The following C12orf50 variants were observed in gnomAD, a reference collection of about 807,000 sequenced individuals.
C12orf50 encodes zinc finger CCCH-type containing 11D.
A neutral mutation model predicts 61.6 loss-of-function variants in C12orf50; 35 were observed. The observed-to-expected ratio is 0.57, with a 90% CI of 0.43 to 0.75. The LOEUF (loss-of-function observed/expected upper bound fraction) is 0.75, where lower values mean the gene tolerates loss of function less well. Among genes scored for constraint, C12orf50 ranks in the 30% least tolerant of loss-of-function variants. C12orf50 has a pLI of 0.00. For synonymous variants in C12orf50, 178 were observed against 161.5 expected, an observed-to-expected ratio of 1.10 and a Z score of -0.77; for missense variants, 475 against 488.5, an observed-to-expected ratio of 0.97 and a Z score of 0.26.
chr12:88,022,120 G>A (rs2032538756), intron 3 of C12orf50, among the ~76,000 whole-genome samples: 2 of 150,678 alleles, frequency 1.3e-5, no homozygotes, highest in South Asian at 4.2e-4. Flanking sequence ...ATCAAATTCA[G>A]CAGCACATCA....
intron 3 of C12orf50, among the ~76,000 whole-genome samples, chr12:88,008,932 C>A (rs756216495): frequency 1.3e-5 from 2 of 152,042 alleles, no homozygotes; most frequent in Non-Finnish European, 2.9e-5. Flanking sequence ...TTCTTTCTTG[C>A]CTTCTTTCAT....
At chr12:88,009,307 A>T (rs943285510) in intron 3 of C12orf50, among the ~76,000 whole-genome samples, 2 of 152,100 alleles carry the variant, frequency 1.3e-5, no homozygotes, top group African/African-American at 4.8e-5. Flanking sequence ...GTCTTCACCA[A>T]GAATTGATAG....
intron 9 of C12orf50, among the ~76,000 whole-genome samples, chr12:87,987,136 G>A (rs143250128): frequency 6.6e-5 from 10 of 152,208 alleles, no homozygotes; most frequent in Non-Finnish European, 1.0e-4. Context: ...AGTGTACAGT[G>A]TAGACTACAT....
chr12:88,006,167 C>A (rs1020747048), intron 3 of C12orf50, among the ~76,000 whole-genome samples: 1 of 152,140 alleles, frequency 6.6e-6, no homozygotes, highest in East Asian at 1.9e-4. Context: ...CCGCCCACAT[C>A]GGCCTCCCAA....
chr12:87,998,193 G>T lies in C12orf50; in HGVS notation c.134-3C>A, dbSNP rs763330319. ...AATTTCTTTCTGTAGTGTGATATCT[G>T]CAGAGAAAATGCAACATTTCAGTCT... On this transcript the variant is annotated splice_polypyrimidine_tract_variant and splice_region_variant and intron_variant, in intron 3 of 12. Coordinates refer to ENST00000298699, the MANE Select transcript of C12orf50 (RefSeq NM_152589.3). The T allele has an allele frequency of 2.6e-5, 42 of 1,608,562 alleles. No homozygotes were observed. The highest frequency in any genetic ancestry group is 3.3e-5 in the Non-Finnish European group (39 of 1,176,612).
intron 9 of C12orf50, among the ~76,000 whole-genome samples, chr12:87,987,306 A>G (rs2030874736): frequency 1.3e-5 from 2 of 152,160 alleles, no homozygotes; most frequent in African/African-American, 2.4e-5. Flanking sequence ...CATATTTTTA[A>G]CAAGTGCCAC....
At chr12:87,983,048 A>AACTT (rs1212324862) in intron 12 of C12orf50, 55 bp downstream of exon 12, 19 of 1,094,620 alleles carry the variant, frequency 1.7e-5, no homozygotes, top group Non-Finnish European at 2.5e-5. Flanking sequence ...TGCACTTGAA[A>AACTT]ACTTATTCAT....
intron 3 of C12orf50, among the ~76,000 whole-genome samples, chr12:88,014,481 T>A (rs952290343): frequency 6.6e-6 from 1 of 152,072 alleles, no homozygotes; most frequent in African/African-American, 2.4e-5. Context: ...TTTGTATTTT[T>A]AGTAGAGACG....
At chr12:88,012,246 A>G (rs574169290) in intron 3 of C12orf50, among the ~76,000 whole-genome samples, 22 of 152,290 alleles carry the variant, frequency 1.4e-4, no homozygotes, top group African/African-American at 5.3e-4. Flanking sequence ...TCTACTTTCT[A>G]TGCTTTGTCA....
At chr12:88,022,513 G>A (rs189225505) in intron 3 of C12orf50, among the ~76,000 whole-genome samples, 1 of 152,024 alleles carries the variant, frequency 6.6e-6, no homozygotes, top group Admixed American at 6.5e-5. Flanking sequence ...AGAGCAAACA[G>A]GCAAGAGAAA....
intron 11 of C12orf50, chr12:87,985,624 G>GA: frequency 1.8e-6 from 1 of 569,466 alleles, no homozygotes; most frequent in Non-Finnish European, 3.1e-6. Context: ...ACTCTAGGGA[G>GA]GTGCAATCTG....
chr12:87,985,910 T>C lies in C12orf50; in HGVS notation c.1066A>G (p.Thr356Ala), dbSNP rs150911071. 5.6e-6 allele frequency: 9 copies of C among 1,613,806 alleles called. No homozygotes were observed. Among genetic ancestry groups the C allele is most frequent in the Non-Finnish European group, 7.6e-6 (9 of 1,179,874 alleles). ...ALNAPSRSRPTHGSYNKVHAN... is the reference protein window; with the variant it reads ...ALNAPSRSRPAHGSYNKVHAN... ...TGGACTTTATTGTAGGACCCATGCG[T>C]GGGCCTGCTGCGGGAAGGTGCATTC... is the stretch of plus-strand genomic sequence containing the variant. Residue 356 changes from threonine (T) to alanine (A), a missense_variant, in exon 11 of 13, where the codon ACG (threonine) becomes GCG (alanine). Thr to Ala is a moderately conservative substitution (Grantham distance 58, BLOSUM62 0). Coordinates refer to ENST00000298699, the MANE Select transcript of C12orf50 (RefSeq NM_152589.3).
At chr12:88,001,263 C>T (rs1007654186) in intron 3 of C12orf50, among the ~76,000 whole-genome samples, 4 of 150,414 alleles carry the variant, frequency 2.7e-5, no homozygotes, top group Non-Finnish European at 1.5e-5. Flanking sequence ...GATCATGTGT[C>T]TTTTGCTCTT....
intron 3 of C12orf50, among the ~76,000 whole-genome samples, chr12:88,023,358 C>G (rs1451294405): frequency 1.3e-5 from 2 of 151,952 alleles, no homozygotes; most frequent in Non-Finnish European, 1.5e-5. Flanking sequence ...AAAATTCACT[C>G]AAGATAGATT....
chr12:88,002,791 A>C (rs886154721), intron 3 of C12orf50, among the ~76,000 whole-genome samples: 4 of 151,506 alleles, frequency 2.6e-5, no homozygotes, highest in African/African-American at 9.7e-5. Flanking sequence ...TACACTGATG[A>C]ATATTTTCTA....
intron 7 of C12orf50, among the ~76,000 whole-genome samples, chr12:87,993,690 T>G (rs1396047045): frequency 1.3e-5 from 2 of 152,098 alleles, no homozygotes; most frequent in Admixed American, 6.6e-5. Context: ...TCAACCTCCT[T>G]CCTACTCTTC....
intron 2 of C12orf50, 106 bp downstream of exon 2, chr12:88,026,845 A>C (rs2032724876): frequency 2.7e-6 from 4 of 1,483,764 alleles, no homozygotes; most frequent in Middle Eastern, 3.6e-4. Context: ...AAAATCAAAT[A>C]GTAGAAGGAA....
intron 3 of C12orf50, among the ~76,000 whole-genome samples, chr12:88,008,400 C>CT (rs1027478912): frequency 6.6e-6 from 1 of 152,080 alleles, no homozygotes; most frequent in Admixed American, 6.6e-5. Context: ...TGATCTCATT[C>CT]TTTTTTATGG....
At chr12:88,026,442 C>G (rs1360708102) in intron 3 of C12orf50, 46 bp downstream of exon 3, 2 of 1,586,728 alleles carry the variant, frequency 1.3e-6, no homozygotes, top group South Asian at 1.2e-5. Context: ...AGTCCAAAAC[C>G]AGATTAGAAT....
Sources: gnomAD v4.1 joint callset for allele counts (sites outside exome capture counted in the v4.1 genomes callset) on GRCh38, gnomAD v4.1.1 for gene constraint, MANE v1.5 for transcripts, NCBI Gene and HGNC (gene_info 2026-07-23, HGNC 2026-07-21) for gene names.